The following TMEM266 variants were observed in gnomAD, a reference collection of about 807,000 sequenced individuals.
TMEM266 encodes transmembrane protein 266.
A neutral mutation model predicts 50.5 loss-of-function variants in TMEM266; 33 were observed. That is an observed-to-expected ratio of 0.65 (90% CI 0.50 to 0.87). The LOEUF (loss-of-function observed/expected upper bound fraction) is 0.87. Among genes scored for constraint, TMEM266 ranks in the 40% least tolerant of loss-of-function variants. The pLI, the probability that TMEM266 is intolerant of heterozygous loss-of-function variation, is 0.00. For synonymous variants in TMEM266, 310 were observed against 292.3 expected, an observed-to-expected ratio of 1.06 and a Z score of -0.62; for missense variants, 655 against 695.1, an observed-to-expected ratio of 0.94 and a Z score of 0.65.
chr15:76,067,110 G>A (rs1303083079), intron 1 of TMEM266, among the ~76,000 whole-genome samples: 1 of 152,158 alleles, frequency 6.6e-6, no homozygotes, highest in African/African-American at 2.4e-5. Context: ...CATCTTTCTA[G>A]TTTGAAGAAT....
chr15:76,204,626 T>G lies in TMEM266; in HGVS notation c.*311T>G. On this transcript the variant is annotated 3_prime_UTR_variant, in exon 11 of 11. Transcript: ENST00000388942. ...CAGGGTAGAGTGTGGGGGGGCCAGC[T>G]CAGCCTCTTGCGTTGCCTTCGTTCC... 4.3e-6 allele frequency: 1 copy of G among 231,730 alleles called. No individual in the cohort carries two copies. 14.4% of individuals were successfully genotyped at this position (231,730 alleles called of 1,614,324 possible).
At chr15:76,156,308 T>C (rs1352324681) in intron 3 of TMEM266, among the ~76,000 whole-genome samples, 1 of 151,940 alleles carries the variant, frequency 6.6e-6, no homozygotes, top group African/African-American at 2.4e-5. Context: ...TGCAGTGAGC[T>C]GAGATTGCAC....
At chr15:76,132,484 C>T (rs902814883) in intron 1 of TMEM266, among the ~76,000 whole-genome samples, 2 of 152,040 alleles carry the variant, frequency 1.3e-5, no homozygotes, top group African/African-American at 4.8e-5. Flanking sequence ...AGACTATGCC[C>T]TTTTAATTTA....
rs1033625314 is a variant in TMEM266 at position 76,139,713 on chromosome 15, A to G, written c.227+1818A>G. ...TGCAGCCTTCTAACATGCCCTAGCTATTTCGGAGAATTCATTTCCTGCCCC... is the reference window on the plus strand; with the variant it reads ...TGCAGCCTTCTAACATGCCCTAGCTGTTTCGGAGAATTCATTTCCTGCCCC... On this transcript the variant is annotated intron_variant, in intron 3 of 10. Transcript: ENST00000388942. The surrounding 1 kb of genome is among the most constrained non-coding windows in gnomAD (Gnocchi z 4.1). 6.6e-6 allele frequency among the ~76,000 whole-genome samples: 1 copy of G among 152,188 alleles called. No individual in the cohort carries two copies. Among genetic ancestry groups the G allele is most frequent in the Non-Finnish European group, 1.5e-5 (1 of 68,042 alleles).
At chr15:76,112,136 A>T (rs1390654372) in intron 1 of TMEM266, 1 of 152,222 alleles carries the variant, frequency 6.6e-6, no homozygotes, top group African/African-American at 2.4e-5. Context: ...ATTCAGGAGG[A>T]GGGAGGGAGG....
chr15:76,183,103 C>CTTTTTTTTTT lies in TMEM266; in HGVS notation c.768+7450_768+7459dup, dbSNP rs71140199. ...CCTCCAGGCTGCTTCCATTTTGTGG[C>CTTTTTTTTTT]TTTTTTTTTTTTTTTTTTTTTTTTT... is the stretch of plus-strand genomic sequence containing the variant. On this transcript the variant is annotated intron_variant, in intron 8 of 10. Transcript: ENST00000388942. Among the ~76,000 whole-genome samples the CTTTTTTTTTT allele has an allele frequency of 3.8e-3, 170 of 44,162 alleles. 32 individuals carry two copies. The highest frequency in any genetic ancestry group is 7.7e-3 in the East Asian group (8 of 1,042). The allele number at this position is 44,162 out of a possible 152,430, so 29.0% of individuals were successfully genotyped here.
chr15:76,128,271 G>A (rs1180890934), intron 1 of TMEM266, among the ~76,000 whole-genome samples: 5 of 152,230 alleles, frequency 3.3e-5, no homozygotes, highest in Admixed American at 3.3e-4. Context: ...GTCCTCTGGG[G>A]ACAGGTGAGT....
intron 9 of TMEM266, among the ~76,000 whole-genome samples, chr15:76,196,964 CTT>C (rs2038665672): frequency 6.6e-6 from 1 of 152,240 alleles, no homozygotes; most frequent in Admixed American, 6.5e-5. Flanking sequence ...TCGCCCATAA[CTT>C]ATGAATTACA....
intron 1 of TMEM266, among the ~76,000 whole-genome samples, chr15:76,063,818 T>C (rs2036356704): frequency 6.6e-6 from 1 of 152,218 alleles, no homozygotes; most frequent in South Asian, 2.1e-4. Flanking sequence ...TTGTTAGTCC[T>C]TACTGTTCTC....
At chr15:76,141,648 T>C (rs2037680824) in intron 3 of TMEM266, among the ~76,000 whole-genome samples, 1 of 152,208 alleles carries the variant, frequency 6.6e-6, no homozygotes, top group South Asian at 2.1e-4. Context: ...ATTAAGGACA[T>C]ACACATTGTT....
At chr15:76,099,921 A>G (rs2036977311) in intron 1 of TMEM266, among the ~76,000 whole-genome samples, 1 of 152,144 alleles carries the variant, frequency 6.6e-6, no homozygotes, top group Non-Finnish European at 1.5e-5. Flanking sequence ...AGGGAGAGAG[A>G]GAGGAGACAG....
At chr15:76,162,905 G>A (rs1223747939) in intron 5 of TMEM266, among the ~76,000 whole-genome samples, 7 of 152,202 alleles carry the variant, frequency 4.6e-5, no homozygotes, top group African/African-American at 1.7e-4. Context: ...CCGAGGGTGG[G>A]GCGGCACTCC....
At chr15:76,114,601 C>T (rs1404974635) in intron 1 of TMEM266, among the ~76,000 whole-genome samples, 1 of 152,208 alleles carries the variant, frequency 6.6e-6, no homozygotes, top group Non-Finnish European at 1.5e-5. Flanking sequence ...AGGTAACATA[C>T]TTTTAGAAAC....
In TMEM266 at chr15:76,153,435, G is replaced by A. The variant is rs1350905059; in HGVS notation, c.228-3169G>A. Among the ~76,000 whole-genome samples the A allele has an allele frequency of 6.6e-6, 1 of 152,216 alleles. No homozygotes were observed. Among genetic ancestry groups the A allele is most frequent in the East Asian group, 1.9e-4 (1 of 5,190 alleles). ...GCCCAGGCAGATGGCCCTGGCAGCTGCCCTTTTTATTCATAACCGCCTGAA... is the reference window on the plus strand; with the variant it reads ...GCCCAGGCAGATGGCCCTGGCAGCTACCCTTTTTATTCATAACCGCCTGAA... On this transcript the variant is annotated intron_variant, in intron 3 of 10. Coordinates refer to ENST00000388942, the MANE Select transcript of TMEM266 (RefSeq NM_152335.3). This position sits in a 1 kb window ranked among gnomAD's most constrained non-coding sequence, Gnocchi z 4.2.
intron 1 of TMEM266, among the ~76,000 whole-genome samples, chr15:76,070,137 G>C (rs2036516020): frequency 6.6e-6 from 1 of 152,164 alleles, no homozygotes; most frequent in South Asian, 2.1e-4. Flanking sequence ...AATAAGTCTA[G>C]AGGCAGAAAT....
intron 1 of TMEM266, among the ~76,000 whole-genome samples, chr15:76,079,654 G>A (rs1294666433): frequency 2.7e-5 from 4 of 150,658 alleles, no homozygotes; most frequent in African/African-American, 7.3e-5. Context: ...CAGGCTTGGT[G>A]GTGTGTGCCT....
At chr15:76,157,580 G>A (rs186717560) in intron 4 of TMEM266, among the ~76,000 whole-genome samples, 1 of 152,362 alleles carries the variant, frequency 6.6e-6, no homozygotes, top group East Asian at 1.9e-4. Context: ...TCACACCAGA[G>A]GGGCAGGAGC....
chr15:76,095,664 G>C (rs983228842), intron 1 of TMEM266, among the ~76,000 whole-genome samples: 13 of 151,914 alleles, frequency 8.6e-5, no homozygotes, highest in African/African-American at 3.1e-4. Context: ...TTTTTCTATT[G>C]ATCGGAATAG....
chr15:76,192,881 T>G (rs2038602706), intron 9 of TMEM266, among the ~76,000 whole-genome samples: 1 of 152,192 alleles, frequency 6.6e-6, no homozygotes, highest in South Asian at 2.1e-4. Flanking sequence ...TTTCGGGAAT[T>G]GCACGGGGCC....
Sources: gnomAD v4.1 joint callset for allele counts (sites outside exome capture counted in the v4.1 genomes callset) on GRCh38, gnomAD v4.1.1 for gene constraint, Gnocchi (gnomAD v3.1) non-coding constraint, MANE v1.5 for transcripts, NCBI Gene and HGNC (gene_info 2026-07-23, HGNC 2026-07-21) for gene names.